The following LRP6 variants were observed in gnomAD, a reference collection of about 807,000 sequenced individuals.
LRP6 encodes low-density lipoprotein receptor-related protein 6.
In LRP6, 43 loss-of-function variants were observed where a neutral mutation model predicts 184.1. That is an observed-to-expected ratio of 0.23 (90% CI 0.18 to 0.30). The LOEUF (loss-of-function observed/expected upper bound fraction) is 0.30. LRP6 is among the 10% of genes least tolerant of loss of function. LRP6 has a pLI of 1.00. For missense variants in LRP6, 1,571 were observed against 2,005.3 expected, an observed-to-expected ratio of 0.78 and a Z score of 4.14; for synonymous variants, 719 against 684.9, an observed-to-expected ratio of 1.05 and a Z score of -0.78.
chr12:12,162,154 C>T, intron 10 of LRP6, 39 bp downstream of exon 10: 2 of 1,479,176 alleles, frequency 1.4e-6, no homozygotes, highest in Non-Finnish European at 9.5e-7. Context: ...CCGAAATGTA[C>T]ACTGCAGTTG....
chr12:12,122,548 A>T (rs909656296), intron 22 of LRP6, among the ~76,000 whole-genome samples: 1 of 152,224 alleles, frequency 6.6e-6, no homozygotes, highest in Non-Finnish European at 1.5e-5. Context: ...GTTCACAGTC[A>T]CAGATCAAAT....
intron 2 of LRP6, among the ~76,000 whole-genome samples, chr12:12,228,955 T>C (rs980697319): frequency 2.0e-5 from 3 of 152,114 alleles, no homozygotes; most frequent in Non-Finnish European, 4.4e-5. Context: ...AGAGGAGTGG[T>C]AGCTACTGAG....
chr12:12,163,144 T>C (rs978299051), intron 9 of LRP6, among the ~76,000 whole-genome samples: 55 of 151,884 alleles, frequency 3.6e-4, no homozygotes, highest in African/African-American at 1.2e-3. Flanking sequence ...ACCAGCTAAT[T>C]TTTGTATTTT....
intron 2 of LRP6, among the ~76,000 whole-genome samples, chr12:12,237,102 C>A (rs1171507228): frequency 6.6e-6 from 1 of 152,098 alleles, no homozygotes; most frequent in Non-Finnish European, 1.5e-5. Context: ...AAAGATGTTC[C>A]TATCACCCAG....
intron 2 of LRP6, among the ~76,000 whole-genome samples, chr12:12,210,732 G>A (rs1864187005): frequency 6.6e-6 from 1 of 152,164 alleles, no homozygotes; most frequent in African/African-American, 2.4e-5. Flanking sequence ...TATTTTGGGG[G>A]AAACTTCAAA....
At chr12:12,228,516 G>A (rs1864690727) in intron 2 of LRP6, among the ~76,000 whole-genome samples, 1 of 152,204 alleles carries the variant, frequency 6.6e-6, no homozygotes, top group Non-Finnish European at 1.5e-5. Flanking sequence ...CTCTAGTGCA[G>A]GGGTCCTCAA....
chr12:12,192,335 A>G (rs1423985445), intron 3 of LRP6, among the ~76,000 whole-genome samples: 2 of 151,856 alleles, frequency 1.3e-5, no homozygotes, highest in Non-Finnish European at 2.9e-5. Flanking sequence ...ACCAGAAAAT[A>G]TCTACTTAAT....
chr12:12,201,829 T>G (rs1185583499), intron 3 of LRP6, among the ~76,000 whole-genome samples: 1 of 152,242 alleles, frequency 6.6e-6, no homozygotes, highest in East Asian at 1.9e-4. Flanking sequence ...AAAACCACAT[T>G]GTTATATGTC....
At position 12,244,617 on chromosome 12, in the gene LRP6, G is replaced by T; in HGVS notation, c.94C>A (p.Arg32=). ...TTGCCATTTGTAGCATCAACCAATC[G>T]CAAGTCCCGTCTGTTTGCATAAAGC... The part of the protein sequence containing the change: ...LLLYANRRDL[R]LVDATNGKEN... The change falls in exon 2 of 23, where the codon CGA becomes AGA. Residue 32 remains arginine, a synonymous_variant. Transcript: ENST00000261349. 1.9e-6 allele frequency: 3 copies of T among 1,613,930 alleles called. No homozygotes were observed. The highest frequency in any genetic ancestry group is 2.5e-6 in the Non-Finnish European group (3 of 1,179,992).
In LRP6 at chr12:12,267,026, C is replaced by T. The variant is rs1347363729; in HGVS notation, c.-291G>A. On this transcript the variant is annotated 5_prime_UTR_variant, in exon 1 of 23. Transcript: ENST00000261349. ...AGCTCCTCATTCAGCCTCTGCCTCG[C>T]GCAGCGGCGCAGGGATACGGTCGGC... The T allele has an allele frequency of 6.4e-6, 3 of 465,230 alleles. No homozygotes were observed. In the South Asian group the frequency reaches 8.3e-5, roughly 13 times the overall value. The allele number at this position is 465,230 out of a possible 1,614,324, so 28.8% of individuals were successfully genotyped here.
chr12:12,119,987 CAA>C lies in LRP6; in HGVS notation c.*1137_*1138del, dbSNP rs1555100516. ...TTTACTCAGAAAACAAACAAACAAA[CAA>C]AATATATATATATATATATATATAT... On this transcript the variant is annotated 3_prime_UTR_variant, in exon 23 of 23. Coordinates refer to ENST00000261349, the MANE Select transcript of LRP6 (RefSeq NM_002336.3). The C allele has an allele frequency of 1.6e-4, 7 of 42,932 alleles. No homozygotes were observed. The highest frequency in any genetic ancestry group is 6.2e-4 in the East Asian group (1 of 1,606). The allele number at this position is 42,932 out of a possible 1,614,324, so 2.7% of individuals were successfully genotyped here. A position where few individuals can be genotyped will look rare whatever the true frequency, so the allele number is the denominator to read the frequency against.
At chr12:12,159,651 C>G in intron 11 of LRP6, 129 bp downstream of exon 11, 1 of 850,120 alleles carries the variant, frequency 1.2e-6, no homozygotes, top group Non-Finnish European at 1.9e-6. Flanking sequence ...GGATACAATT[C>G]CAGAACAGAA....
chr12:12,251,176 G>A (rs971923111), intron 1 of LRP6, among the ~76,000 whole-genome samples: 2 of 151,866 alleles, frequency 1.3e-5, no homozygotes, highest in Admixed American at 6.6e-5. Context: ...CAAGTGATTC[G>A]CCCACCTCGG....
chr12:12,225,433 C>T (rs1864596243), intron 2 of LRP6, among the ~76,000 whole-genome samples: 1 of 152,112 alleles, frequency 6.6e-6, no homozygotes, highest in Non-Finnish European at 1.5e-5. Flanking sequence ...AGACAAAAAC[C>T]TCTCTACAGG....
At chr12:12,185,013 G>A (rs1321845091) in intron 4 of LRP6, among the ~76,000 whole-genome samples, 1 of 152,090 alleles carries the variant, frequency 6.6e-6, no homozygotes, top group East Asian at 1.9e-4. Context: ...AAAAACAAGA[G>A]GCCAGGCACG....
rs567315765 is a variant in LRP6, at chr12:12,119,987, C to CAAACAAACAAACAAAAAAAAAAAAAA, written c.*1138_*1139insTTTTTTTTTTTTTTGTTTGTTTGTTT. The CAAACAAACAAACAAAAAAAAAAAAAA allele has an allele frequency of 2.3e-5, 1 of 42,938 alleles. No individual in the cohort carries two copies. Among genetic ancestry groups the CAAACAAACAAACAAAAAAAAAAAAAA allele is most frequent in the Non-Finnish European group, 4.5e-5 (1 of 22,140 alleles). The allele number at this position is 42,938 out of a possible 1,614,324, so 2.7% of individuals were successfully genotyped here. ...TTTACTCAGAAAACAAACAAACAAA[C>CAAACAAACAAACAAAAAAAAAAAAAA]AAAATATATATATATATATATATAT... is the stretch of plus-strand genomic sequence containing the variant. On this transcript the variant is annotated 3_prime_UTR_variant, in exon 23 of 23. Coordinates refer to ENST00000261349, the MANE Select transcript of LRP6 (RefSeq NM_002336.3).
chr12:12,222,507 C>T (rs892546687), intron 2 of LRP6, among the ~76,000 whole-genome samples: 3 of 149,772 alleles, frequency 2.0e-5, no homozygotes, highest in African/African-American at 7.4e-5. Context: ...GCGGAGGTTG[C>T]AGTGAGCCAA....
At chr12:12,145,097 C>A (rs1389526038) in intron 15 of LRP6, among the ~76,000 whole-genome samples, 1 of 151,474 alleles carries the variant, frequency 6.6e-6, no homozygotes, top group Non-Finnish European at 1.5e-5. Flanking sequence ...CAACCTAATA[C>A]ATTCAGATTG....
At chr12:12,215,812 G>C (rs1168157922) in intron 2 of LRP6, among the ~76,000 whole-genome samples, 1 of 151,636 alleles carries the variant, frequency 6.6e-6, no homozygotes, top group South Asian at 2.1e-4. Context: ...AGGAGTTCGA[G>C]ACCAGCCTGG....
Sources: allele counts gnomAD v4.1 joint callset (sites outside exome capture counted in the v4.1 genomes callset), GRCh38; gene constraint gnomAD v4.1.1; transcripts MANE v1.5; gene names NCBI Gene and HGNC (gene_info 2026-07-23, HGNC 2026-07-21).